The following ATR variants were observed in gnomAD, a reference collection of about 807,000 sequenced individuals.
ATR encodes the protein ATR checkpoint kinase, also known as serine/threonine-protein kinase ATR.
In ATR, 142 loss-of-function variants were observed where a neutral mutation model predicts 305.3. The ratio of observed to expected loss-of-function variants is 0.47; its 90% CI spans 0.41 to 0.53. The LOEUF is 0.53. Among genes scored for constraint, ATR ranks in the 20% least tolerant of loss-of-function variants. The pLI, the probability that ATR is intolerant of heterozygous loss-of-function variation, is 0.00. For missense variants in ATR, 2,135 were observed against 3,133.1 expected (o/e 0.68, Z 7.60); for synonymous variants, 1,050 against 1,068.1 (o/e 0.98, Z 0.33).
At chr3:142,474,731 C>T (rs576153251) in intron 36 of ATR, among the ~76,000 whole-genome samples, 1 of 152,004 alleles carries the variant, frequency 6.6e-6, no homozygotes, top group African/African-American at 2.4e-5. Context: ...TCTCTCTTCT[C>T]GAATTGCTAT....
intron 21 of ATR, among the ~76,000 whole-genome samples, chr3:142,527,141 A>C (rs2033430120): frequency 6.6e-6 from 1 of 152,028 alleles, no homozygotes; most frequent in South Asian, 2.1e-4. Context: ...TTCATTTATA[A>C]ATTTTTACAC....
chr3:142,449,646 T>C (rs534456744), intron 46 of ATR, 44 bp from the exon 47 acceptor site: 10 of 1,576,572 alleles, frequency 6.3e-6, no homozygotes, highest in Non-Finnish European at 8.7e-6. Context: ...GTTAATAATT[T>C]GGAATTACTA....
intron 1 of ATR, among the ~76,000 whole-genome samples, chr3:142,572,184 C>T (rs1234343007): frequency 1.3e-5 from 2 of 152,056 alleles, no homozygotes; most frequent in African/African-American, 4.8e-5. Context: ...ATTCTCCTGC[C>T]TCAGCCTCCC....
chr3:142,547,628 C>T, intron 16 of ATR, 97 bp downstream of exon 16: 1 of 1,368,342 alleles, frequency 7.3e-7, no homozygotes, highest in Non-Finnish European at 1.0e-6. Flanking sequence ...TGGCTAGCAG[C>T]CAGAAAATGA....
chr3:142,458,881 T>C (rs2108259474), intron 44 of ATR, 77 bp downstream of exon 44: 2 of 1,505,214 alleles, frequency 1.3e-6, no homozygotes, highest in Non-Finnish European at 1.8e-6. Context: ...CTAACAGGTA[T>C]GTCAAGGAAG....
intron 34 of ATR, among the ~76,000 whole-genome samples, chr3:142,495,765 A>G (rs2031552005): frequency 6.6e-6 from 1 of 151,920 alleles, no homozygotes; most frequent in Non-Finnish European, 1.5e-5. Flanking sequence ...ATAAATAAAT[A>G]AATAAAAATA....
intron 34 of ATR, among the ~76,000 whole-genome samples, chr3:142,494,853 A>C (rs1361788904): frequency 6.6e-6 from 1 of 152,240 alleles, no homozygotes; most frequent in Non-Finnish European, 1.5e-5. Context: ...TTTTAGAAAG[A>C]TCACAAACTG....
chr3:142,450,811 C>T (rs1019954235), intron 46 of ATR: 23 of 1,399,872 alleles, frequency 1.6e-5, no homozygotes, highest in Non-Finnish European at 2.2e-5. Context: ...AGTGGTCCAA[C>T]CACAAGCAGA....
At position 142,487,506 on chromosome 3, in the gene ATR, T is replaced by C. The variant is rs558359084; in HGVS notation, c.6079-2224A>G. Reference sequence around the variant, plus strand: ...ACATTTGTGATATCAATCCAAGTTATTGCATATAAATTTGGTTTACTATAT... The same window carrying C: ...ACATTTGTGATATCAATCCAAGTTACTGCATATAAATTTGGTTTACTATAT... On this transcript the variant is annotated intron_variant, in intron 35 of 46. Transcript: ENST00000350721. Among the ~76,000 whole-genome samples, 107 of 152,356 alleles carry C rather than the reference T, an allele frequency of 7.0e-4. 2 individuals are homozygous for C. The South Asian group carries it at 0.022, about 31-fold the overall frequency.
At chr3:142,478,661 C>T (rs1344995006) in intron 36 of ATR, among the ~76,000 whole-genome samples, 1 of 152,088 alleles carries the variant, frequency 6.6e-6, no homozygotes, top group Non-Finnish European at 1.5e-5. Flanking sequence ...CCTTCTGTCT[C>T]GTTGATCTGT....
intron 34 of ATR, among the ~76,000 whole-genome samples, chr3:142,494,113 A>G (rs1485496571): frequency 6.6e-6 from 1 of 152,130 alleles, no homozygotes; most frequent in Non-Finnish European, 1.5e-5. Flanking sequence ...AATAAGCAAT[A>G]CAAGTATAAC....
At chr3:142,578,200 T>G (rs2035502554) in intron 1 of ATR, among the ~76,000 whole-genome samples, 1 of 152,088 alleles carries the variant, frequency 6.6e-6, no homozygotes, top group Non-Finnish European at 1.5e-5. Context: ...CAAGGGCAGT[T>G]TGGGGACAAA....
intron 39 of ATR, among the ~76,000 whole-genome samples, chr3:142,466,738 G>C (rs2108274111): frequency 6.6e-6 from 1 of 152,210 alleles, no homozygotes; most frequent in East Asian, 1.9e-4. Flanking sequence ...TTAAAGGAGA[G>C]AGTAGAGGCC....
chr3:142,545,207 G>A (rs561888970), intron 16 of ATR, among the ~76,000 whole-genome samples: 20 of 152,172 alleles, frequency 1.3e-4, no homozygotes, highest in African/African-American at 4.6e-4. Context: ...ATGAATGGAA[G>A]ACACTAAATA....
intron 45 of ATR, among the ~76,000 whole-genome samples, chr3:142,456,400 T>A (rs2070907365): frequency 6.6e-6 from 1 of 151,872 alleles, no homozygotes; most frequent in Non-Finnish European, 1.5e-5. Context: ...AAACCCAATC[T>A]CTACTAAAAA....
chr3:142,544,168 C>T (rs112659292), intron 16 of ATR, among the ~76,000 whole-genome samples: 7,772 of 151,792 alleles, frequency 0.051, 676 homozygotes, highest in African/African-American at 0.18. Flanking sequence ...AATAAGATAC[C>T]ATTTATTGGC....
intron 41 of ATR, 110 bp downstream of exon 41, chr3:142,464,987 G>A (rs768310820): frequency 2.1e-5 from 13 of 616,824 alleles, no homozygotes; most frequent in Non-Finnish European, 3.1e-5. Flanking sequence ...ATATCAGATT[G>A]ATAGTAATTA....
At chr3:142,532,268 C>G (rs1010660619) in intron 21 of ATR, among the ~76,000 whole-genome samples, 9 of 152,010 alleles carry the variant, frequency 5.9e-5, no homozygotes, top group Non-Finnish European at 1.2e-4. Context: ...TTTCAATAGC[C>G]TCTTCTCTTA....
intron 2 of ATR, 52 bp downstream of exon 2, chr3:142,568,011 A>G: frequency 1.4e-6 from 2 of 1,386,296 alleles, no homozygotes; most frequent in Non-Finnish European, 2.0e-6. Context: ...TTATACATGG[A>G]AAAGAAAAGT....
Sources: allele counts gnomAD v4.1 joint callset (sites outside exome capture counted in the v4.1 genomes callset), GRCh38; gene constraint gnomAD v4.1.1; transcripts MANE v1.5; gene names NCBI Gene and HGNC (gene_info 2026-07-23, HGNC 2026-07-21).